The following ANKIB1 variants were observed in gnomAD, a reference collection of about 807,000 sequenced individuals.
The protein encoded by ANKIB1 is ankyrin repeat and IBR domain-containing protein 1.
ANKIB1 carries 43 observed loss-of-function variants against 122.1 expected under a neutral mutation model. The ratio of observed to expected loss-of-function variants is 0.35; its 90% CI spans 0.28 to 0.45. The LOEUF (loss-of-function observed/expected upper bound fraction) is 0.45. Among genes scored for constraint, ANKIB1 ranks in the 20% least tolerant of loss-of-function variants. The probability of loss-of-function intolerance (pLI) is 1.00; values close to 1 mark genes in which losing one functional copy is unlikely to be tolerated. For synonymous variants in ANKIB1, 390 were observed against 442.0 expected (o/e 0.88, Z 1.48); for missense variants, 992 against 1,329.5 (o/e 0.75, Z 3.95).
At chr7:92,363,368 G>A (rs566847569) in intron 10 of ANKIB1, among the ~76,000 whole-genome samples, 6 of 152,064 alleles carry the variant, frequency 3.9e-5, no homozygotes, top group South Asian at 4.2e-4. Context: ...GCAAGATTGC[G>A]CCACTGCACT....
intron 5 of ANKIB1, among the ~76,000 whole-genome samples, chr7:92,337,859 T>TG (rs1322676545): frequency 6.6e-6 from 1 of 152,196 alleles, no homozygotes; most frequent in African/African-American, 2.4e-5. Flanking sequence ...TTGGAGGCTT[T>TG]GGAAAGCCTT....
chr7:92,343,273 A>G (rs1217580406), intron 6 of ANKIB1, 41 bp downstream of exon 6: 7 of 1,531,344 alleles, frequency 4.6e-6, no homozygotes, highest in African/African-American at 1.4e-5. Flanking sequence ...AGCTTTGTTT[A>G]TAGTCTTTTA....
At chr7:92,319,602 G>T in intron 4 of ANKIB1, 90 bp downstream of exon 4, 1 of 1,290,378 alleles carries the variant, frequency 7.7e-7, no homozygotes, top group Admixed American at 2.2e-5. Flanking sequence ...AACTCAGTTT[G>T]TGTGTTCTTC....
rs372561599 is a variant in ANKIB1 at position 92,398,680 on chromosome 7, C to T, written c.3001C>T (p.Leu1001Phe). Residue 1001 changes from leucine (L) to phenylalanine (F), a missense_variant, in exon 20 of 20, where the codon CTC becomes TTC. Physicochemically the swap from Leu to Phe is conservative, Grantham distance 22. Around this residue, in one of 4 missense-constraint regions of ANKIB1, gnomAD observed 384 missense variants for 412.0 expected, o/e 0.93. Coordinates refer to ENST00000265742, the MANE Select transcript of ANKIB1 (RefSeq NM_019004.2). ...ATTEISADSQ[L>F]PCIKDGSEGV... The stretch of plus-strand genomic sequence containing the variant: ...TACAGAAATCAGTGCAGATTCCCAG[C>T]TCCCCTGTATCAAAGATGGGTCAGA... The T allele has an allele frequency of 1.9e-6, 3 of 1,613,796 alleles. No individual in the cohort carries two copies. The African/African-American group carries it at 4.0e-5, about 22-fold the overall frequency.
intron 9 of ANKIB1, among the ~76,000 whole-genome samples, chr7:92,357,769 T>C (rs1324410787): frequency 6.6e-6 from 1 of 151,600 alleles, no homozygotes; most frequent in Non-Finnish European, 1.5e-5. Flanking sequence ...AAAAAAACTT[T>C]CTTTAGTAAG....
intron 5 of ANKIB1, among the ~76,000 whole-genome samples, chr7:92,335,098 G>A (rs923858076): frequency 1.3e-5 from 2 of 151,000 alleles, no homozygotes; most frequent in African/African-American, 4.9e-5. Context: ...TTCTATTGAG[G>A]CCAAAAGTTT....
intron 10 of ANKIB1, among the ~76,000 whole-genome samples, chr7:92,363,377 C>T (rs970968535): frequency 2.1e-4 from 32 of 152,064 alleles, no homozygotes; most frequent in African/African-American, 7.5e-4. Flanking sequence ...CGCCACTGCA[C>T]TCCAGCCTTG....
intron 5 of ANKIB1, among the ~76,000 whole-genome samples, chr7:92,341,772 G>A (rs1803445530): frequency 1.3e-5 from 2 of 152,248 alleles, no homozygotes; most frequent in African/African-American, 2.4e-5. Flanking sequence ...TTATAATGGT[G>A]CTAACTCAAT....
chr7:92,324,296 C>T (rs559472774), intron 4 of ANKIB1, among the ~76,000 whole-genome samples: 10 of 152,274 alleles, frequency 6.6e-5, no homozygotes, highest in African/African-American at 2.2e-4. Context: ...CACAGTAGTG[C>T]GATCTCAGCT....
intron 4 of ANKIB1, 105 bp downstream of exon 4, chr7:92,319,617 C>G: frequency 1.8e-6 from 2 of 1,123,850 alleles, no homozygotes; most frequent in Non-Finnish European, 2.5e-6. Flanking sequence ...TTCTTCTTTA[C>G]AGTATTCTAA....
chr7:92,347,635 G>A (rs760285965), intron 7 of ANKIB1, among the ~76,000 whole-genome samples: 2 of 152,180 alleles, frequency 1.3e-5, no homozygotes, highest in African/African-American at 4.8e-5. Flanking sequence ...TCAATCGACA[G>A]ATTAGATAGA....
intron 1 of ANKIB1, among the ~76,000 whole-genome samples, chr7:92,273,892 C>A (rs1315378334): frequency 6.6e-6 from 1 of 151,936 alleles, no homozygotes; most frequent in African/African-American, 2.4e-5. Context: ...CCCACCTCAG[C>A]CTCCTGAGTA....
chr7:92,388,146 C>A, intron 14 of ANKIB1, 105 bp downstream of exon 14: 1 of 1,081,030 alleles, frequency 9.3e-7, no homozygotes, highest in Non-Finnish European at 1.4e-6. Context: ...TGTTCATTAG[C>A]TTGTTCTGGT....
chr7:92,345,168 T>C, intron 7 of ANKIB1, 102 bp downstream of exon 7: 1 of 812,686 alleles, frequency 1.2e-6, no homozygotes, highest in Non-Finnish European at 2.0e-6. Context: ...ATTGTTTATA[T>C]TGACTTCTGA....
At chr7:92,396,169 T>C (rs1290831986) in intron 17 of ANKIB1, 196 bp from the exon 18 acceptor site, 1 of 562,434 alleles carries the variant, frequency 1.8e-6, no homozygotes, top group East Asian at 3.1e-5. Flanking sequence ...TTGTAATGAC[T>C]GTTGAAAACT....
At chr7:92,387,587 G>C (rs1377824458) in intron 12 of ANKIB1, among the ~76,000 whole-genome samples, 2 of 151,618 alleles carry the variant, frequency 1.3e-5, no homozygotes, top group East Asian at 1.9e-4. Flanking sequence ...TGTGAGCTCA[G>C]ATTGCACCAC....
At chr7:92,362,868 G>C (rs1423806590) in intron 10 of ANKIB1, among the ~76,000 whole-genome samples, 1 of 152,148 alleles carries the variant, frequency 6.6e-6, no homozygotes, top group South Asian at 2.1e-4. Context: ...CACAGGGCAT[G>C]TGCCTTGTGA....
chr7:92,307,660 AAT>A lies in ANKIB1; in HGVS notation c.486+5_486+6del. The A allele has an allele frequency of 6.6e-7, 1 of 1,513,878 alleles. No homozygotes were observed. The highest frequency in any genetic ancestry group is 8.8e-7 in the Non-Finnish European group (1 of 1,137,632). The allele number at this position is 1,513,878 out of a possible 1,614,324, so 93.8% of individuals were successfully genotyped here. ...AGGGATGAAAGCCTGTGTAGAGGTA[AAT>A]TTTTTTTTTTTTTAATATTCTGCAT... On this transcript the variant is annotated splice_donor_5th_base_variant and intron_variant, in intron 3 of 19. Transcript: ENST00000265742.
intron 9 of ANKIB1, among the ~76,000 whole-genome samples, chr7:92,360,480 TTATC>T (rs1803917551): frequency 6.6e-6 from 1 of 152,158 alleles, no homozygotes; most frequent in Non-Finnish European, 1.5e-5. Flanking sequence ...CACAATTTGT[TTATC>T]CATTCATCTG....
Sources: gnomAD v4.1 joint callset for allele counts (sites outside exome capture counted in the v4.1 genomes callset) on GRCh38, gnomAD v4.1.1 for gene constraint, gnomAD v4.1.1 regional missense constraint, MANE v1.5 for transcripts, NCBI Gene and HGNC (gene_info 2026-07-23, HGNC 2026-07-21) for gene names.